The following HIBCH variants were observed in gnomAD, a reference collection of about 807,000 sequenced individuals.
The protein encoded by HIBCH is 3-hydroxyisobutyryl-CoA hydrolase, mitochondrial.
HIBCH carries 50 observed loss-of-function variants against 58.2 expected under a neutral mutation model. The observed-to-expected ratio is 0.86, with a 90% CI of 0.68 to 1.09. HIBCH has a LOEUF of 1.09. Among genes scored for constraint, HIBCH ranks in the 50% least tolerant of loss-of-function variants. HIBCH has a pLI of 0.00. For synonymous variants in HIBCH, 151 were observed against 146.9 expected (o/e 1.03, Z -0.20); for missense variants, 450 against 449.7 (o/e 1.00, Z -0.01).
chr2:190,291,316 T>C (rs1687951917), intron 4 of HIBCH, among the ~76,000 whole-genome samples: 1 of 152,194 alleles, frequency 6.6e-6, no homozygotes, highest in African/African-American at 2.4e-5. Flanking sequence ...TACTAAAACA[T>C]ATTCTTTGTC....
At position 190,208,899 on chromosome 2, in the gene HIBCH, A is replaced by G; in HGVS notation, c.1026T>C (p.Phe342=). ...ACTTACCAGCTCTAACGCCTTCATG[A>G]AAGTCATGACCTCTCTGAAAGAAAA... ...LSQACMRGHD[F]HEGVRAVLID... Residue 342 remains phenylalanine (F), a synonymous_variant, in exon 13 of 14, where the codon TTT becomes TTC. Coordinates refer to ENST00000359678, the MANE Select transcript of HIBCH (RefSeq NM_014362.4). 6.2e-7 allele frequency: 1 copy of G among 1,613,748 alleles called. No homozygotes were observed. The highest frequency in any genetic ancestry group is 8.5e-7 in the Non-Finnish European group (1 of 1,179,762).
intron 11 of HIBCH, among the ~76,000 whole-genome samples, chr2:190,244,257 A>T (rs1275720293): frequency 1.3e-5 from 2 of 152,274 alleles, no homozygotes; most frequent in Admixed American, 1.3e-4. Context: ...AGAAGTCTGA[A>T]ATACTCCAAG....
At chr2:190,261,133 T>TA (rs759652965) in intron 7 of HIBCH, 23 bp downstream of exon 7, 22 of 1,556,300 alleles carry the variant, frequency 1.4e-5, no homozygotes, top group Middle Eastern at 1.7e-4. Flanking sequence ...AAAGTAATTA[T>TA]AAAAAAAATT....
At chr2:190,237,292 C>A (rs1049105776) in intron 11 of HIBCH, among the ~76,000 whole-genome samples, 1 of 152,146 alleles carries the variant, frequency 6.6e-6, no homozygotes, top group Admixed American at 6.6e-5. Flanking sequence ...TCTAGAATTT[C>A]ATAAAAATAA....
At chr2:190,226,195 G>A (rs939245440) in intron 11 of HIBCH, among the ~76,000 whole-genome samples, 4 of 152,160 alleles carry the variant, frequency 2.6e-5, no homozygotes, top group Non-Finnish European at 5.9e-5. Flanking sequence ...ATGTAAACTG[G>A]CACAAGACAG....
chr2:190,297,737 C>T (rs961811116), intron 2 of HIBCH, among the ~76,000 whole-genome samples: 2 of 152,206 alleles, frequency 1.3e-5, no homozygotes, highest in Non-Finnish European at 2.9e-5. Context: ...ACCCAACCAT[C>T]AGGACTCATG....
intron 6 of HIBCH, chr2:190,280,860 G>T (rs1009264610): frequency 6.6e-6 from 1 of 152,154 alleles, no homozygotes; most frequent in Non-Finnish European, 1.5e-5. Flanking sequence ...CCTCTTCCAA[G>T]AATACTTTAC....
chr2:190,264,984 A>G (rs1575735104), intron 6 of HIBCH, among the ~76,000 whole-genome samples: 1 of 151,946 alleles, frequency 6.6e-6, no homozygotes, highest in Non-Finnish European at 1.5e-5. Flanking sequence ...TTAGCCAGGC[A>G]TGGTGTCATG....
intron 6 of HIBCH, among the ~76,000 whole-genome samples, chr2:190,285,630 ATTTCAAAAATTCCACC>A (rs1687810202): frequency 6.6e-6 from 1 of 152,048 alleles, no homozygotes. Context: ...AACAGGTGGA[ATTTCAAAAATTCCACC>A]TTTTGGCCTC....
At chr2:190,238,570 T>C (rs941765261) in intron 11 of HIBCH, among the ~76,000 whole-genome samples, 2 of 152,164 alleles carry the variant, frequency 1.3e-5, no homozygotes, top group Non-Finnish European at 2.9e-5. Flanking sequence ...GTTCAAGCGA[T>C]TTTCCTGCCT....
At chr2:190,261,984 G>C (rs1329509705) in intron 6 of HIBCH, among the ~76,000 whole-genome samples, 1 of 152,102 alleles carries the variant, frequency 6.6e-6, no homozygotes, top group Admixed American at 6.6e-5. Flanking sequence ...CAGAGGCCTG[G>C]GGAGCAAAGA....
chr2:190,293,093 A>T (rs1687997257), intron 4 of HIBCH, among the ~76,000 whole-genome samples: 1 of 152,216 alleles, frequency 6.6e-6, no homozygotes, highest in African/African-American at 2.4e-5. Flanking sequence ...GCTCAGTCAG[A>T]AAAAGCTAAT....
rs1328838500 is a variant in HIBCH, at chr2:190,197,372, C to T, written c.*18-7375G>A. 6.6e-6 allele frequency among the ~76,000 whole-genome samples: 1 copy of T among 152,188 alleles called. No homozygotes were observed. The highest frequency in any genetic ancestry group is 1.5e-5 in the Non-Finnish European group (1 of 68,042). ...AAGGATTCTAAGTACTGTATAACTTCTGGTGTCACTGTTCAACTCTTAAGT... is the reference window on the plus strand; with the variant it reads ...AAGGATTCTAAGTACTGTATAACTTTTGGTGTCACTGTTCAACTCTTAAGT... On this transcript the variant is annotated intron_variant, in intron 1 of 1. Coordinates refer to the HIBCH transcript ENST00000399855. The surrounding 1 kb of genome is among the most constrained non-coding windows in gnomAD (Gnocchi z 4.0).
chr2:190,216,312 T>C lies in HIBCH; in HGVS notation c.892-3237A>G, dbSNP rs1361675866. ...AGGATCAGGAGCAGTGGGTTGCCTA[T>C]GGATGGCTGTCAGAAGGCGGCAGAA... On this transcript the variant is annotated intron_variant, in intron 11 of 13. Transcript: ENST00000359678. The surrounding 1 kb of genome is among the most constrained non-coding windows in gnomAD (Gnocchi z 4.2). Among the ~76,000 whole-genome samples the C allele has an allele frequency of 6.6e-6, 1 of 152,136 alleles. No homozygotes were observed. Among genetic ancestry groups the C allele is most frequent in the Non-Finnish European group, 1.5e-5 (1 of 68,008 alleles).
At chr2:190,314,954 C>CTT (rs564422020) in intron 1 of HIBCH, among the ~76,000 whole-genome samples, 1 of 145,790 alleles carries the variant, frequency 6.9e-6, no homozygotes, top group African/African-American at 2.5e-5. Context: ...CTCTCCGCTC[C>CTT]TTTTTTTTTT....
chr2:190,269,097 G>C (rs1687318402), intron 6 of HIBCH, among the ~76,000 whole-genome samples: 1 of 152,162 alleles, frequency 6.6e-6, no homozygotes, highest in African/African-American at 2.4e-5. Flanking sequence ...ATGGATTAAA[G>C]ACTTAAACGT....
intron 1 of HIBCH, among the ~76,000 whole-genome samples, chr2:190,196,800 C>A (rs1001803435): frequency 2.0e-5 from 3 of 152,068 alleles, no homozygotes; most frequent in African/African-American, 7.2e-5. Flanking sequence ...TATCTGGCTT[C>A]TTTTGTGCTA....
chr2:190,197,305 C>T lies in HIBCH; in HGVS notation c.*18-7308G>A, dbSNP rs11894667. Among the ~76,000 whole-genome samples the T allele has an allele frequency of 0.28, 42,311 of 152,012 alleles. 6,452 individuals are homozygous for T. Among genetic ancestry groups the T allele is most frequent in the East Asian group, 0.47 (2,403 of 5,156 alleles). ...GCATTTCTTGAGTAGTAACTAAATA[C>T]GAAAGTGTTCAATGAGATTGCTCCA... On this transcript the variant is annotated intron_variant, in intron 1 of 1. Coordinates refer to the HIBCH transcript ENST00000399855. The surrounding 1 kb of genome is among the most constrained non-coding windows in gnomAD (Gnocchi z 4.0).
chr2:190,284,596 G>A (rs2664255), intron 6 of HIBCH, among the ~76,000 whole-genome samples: 110,074 of 152,014 alleles, frequency 0.72, 40,329 homozygotes, highest in Non-Finnish European at 0.75. Context: ...ACTTAGTTGG[G>A]GAGAAAACTC....
Sources: allele counts gnomAD v4.1 joint callset (sites outside exome capture counted in the v4.1 genomes callset), GRCh38; gene constraint gnomAD v4.1.1; non-coding constraint Gnocchi (gnomAD v3.1); transcripts MANE v1.5; gene names NCBI Gene and HGNC (gene_info 2026-07-23, HGNC 2026-07-21).